ANKFY1: variants seen among roughly 807,000 people sequenced by gnomAD.
ANKFY1 encodes the protein ankyrin repeat and FYVE domain containing 1.
ANKFY1 carries 47 observed loss-of-function variants against 128.3 expected under a neutral mutation model. That is an observed-to-expected ratio of 0.37 (90% CI 0.29 to 0.47). ANKFY1 has a LOEUF of 0.47. Among genes scored for constraint, ANKFY1 ranks in the 20% least tolerant of loss-of-function variants. The pLI is 1.00. For missense variants in ANKFY1, 1,222 were observed against 1,510.6 expected (o/e 0.81, Z 3.17); for synonymous variants, 553 against 601.6 (o/e 0.92, Z 1.18).
At chr17:4,205,134 T>C (rs1456554622) in intron 7 of ANKFY1, among the ~76,000 whole-genome samples, 1 of 152,032 alleles carries the variant, frequency 6.6e-6, no homozygotes, top group Non-Finnish European at 1.5e-5. Context: ...AAGGGGAAAA[T>C]ATAGATGATT....
intron 21 of ANKFY1, 82 bp downstream of exon 21, chr17:4,173,272 G>T: frequency 7.3e-7 from 1 of 1,364,548 alleles, no homozygotes; most frequent in Non-Finnish European, 1.0e-6. Context: ...TCCTCCCTGG[G>T]GCTGATGGGA....
Position 4,164,357 on chromosome 17 carries a change from G to A in ANKFY1, c.*3422C>T, listed in dbSNP as rs1597989921. On this transcript the variant is annotated 3_prime_UTR_variant, in exon 25 of 25. Coordinates refer to ENST00000341657, the MANE Select transcript of ANKFY1 (RefSeq NM_001330063.2). ...GCATCTGTAACTTCTGGGAATTTCA[G>A]GGTTTTTATCTTGCCAGTCAGCTCT... is the stretch of plus-strand genomic sequence containing the variant. The A allele has an allele frequency of 6.5e-6, 1 of 152,702 alleles. No individual in the cohort carries two copies. Among genetic ancestry groups the A allele is most frequent in the Non-Finnish European group, 1.5e-5 (1 of 68,050 alleles). The allele number at this position is 152,702 out of a possible 1,614,324, so 9.5% of individuals were successfully genotyped here. A position where few individuals can be genotyped will look rare whatever the true frequency, so the allele number is the denominator to read the frequency against.
intron 3 of ANKFY1, chr17:4,223,755 C>G: frequency 6.4e-7 from 1 of 1,568,232 alleles, no homozygotes; most frequent in Non-Finnish European, 8.8e-7. Flanking sequence ...GCCTTAGATC[C>G]GGGGGAGAGG....
intron 7 of ANKFY1, 40 bp from the exon 8 acceptor site, chr17:4,197,617 G>T (rs777226496): frequency 1.3e-6 from 2 of 1,584,744 alleles, no homozygotes; most frequent in South Asian, 2.2e-5. Context: ...TCAGGGCAAA[G>T]TATTCTGGCC....
At chr17:4,262,054 G>A (rs1370456504) in intron 1 of ANKFY1, among the ~76,000 whole-genome samples, 3 of 152,230 alleles carry the variant, frequency 2.0e-5, no homozygotes, top group African/African-American at 7.2e-5. Flanking sequence ...TGCCGGGCGC[G>A]ATGGCTCATA....
At chr17:4,230,997 T>C (rs1269384422) in intron 3 of ANKFY1, among the ~76,000 whole-genome samples, 2 of 152,216 alleles carry the variant, frequency 1.3e-5, no homozygotes, top group Non-Finnish European at 2.9e-5. Context: ...AGTAATACCC[T>C]TTTTATGGCC....
At chr17:4,174,851 T>G (rs2059384198) in intron 19 of ANKFY1, among the ~76,000 whole-genome samples, 1 of 151,792 alleles carries the variant, frequency 6.6e-6, no homozygotes, top group Admixed American at 6.6e-5. Context: ...GCCTCCTGAG[T>G]AGCCAGGACC....
chr17:4,249,130 G>T (rs1967709008), intron 1 of ANKFY1: 3 of 985,212 alleles, frequency 3.0e-6, no homozygotes, highest in Admixed American at 6.1e-5. Context: ...GAGAAACCAA[G>T]AATGATTTTT....
Position 4,181,050 on chromosome 17 carries a change from C to T in ANKFY1, c.2240+204G>A. The T allele has an allele frequency of 1.8e-6, 1 of 540,846 alleles. No homozygotes were observed. Among genetic ancestry groups the T allele is most frequent in the Non-Finnish European group, 3.3e-6 (1 of 299,018 alleles). 33.5% of individuals were successfully genotyped at this position (540,846 alleles called of 1,614,324 possible). ...ACTCCAGCTTTCAGATTCTTTGATT[C>T]AGGGCTGTGAGCTCCTCCCGTCACA... is the stretch of plus-strand genomic sequence containing the variant. On this transcript the variant is annotated intron_variant, in intron 16 of 24. Coordinates refer to ENST00000341657, the MANE Select transcript of ANKFY1 (RefSeq NM_001330063.2). This position sits in a 1 kb window ranked among gnomAD's most constrained non-coding sequence, Gnocchi z 4.9.
rs532999113 is a variant in ANKFY1, at chr17:4,181,580, G to A, written c.2122-208C>T. Among the ~76,000 whole-genome samples the A allele has an allele frequency of 2.0e-4, 31 of 152,358 alleles. No individual in the cohort carries two copies. Among genetic ancestry groups the A allele is most frequent in the African/African-American group, 7.2e-4 (30 of 41,578 alleles). ...TGTGCAAGTTCGTGCACTAGGTCCTGTGGGACAGACTTGGGAAGTATAAAC... is the reference window on the plus strand; with the variant it reads ...TGTGCAAGTTCGTGCACTAGGTCCTATGGGACAGACTTGGGAAGTATAAAC... On this transcript the variant is annotated intron_variant, in intron 15 of 24. Coordinates refer to ENST00000341657, the MANE Select transcript of ANKFY1 (RefSeq NM_001330063.2). This position sits in a 1 kb window ranked among gnomAD's most constrained non-coding sequence, Gnocchi z 4.9.
chr17:4,263,128 T>C (rs2143616948), intron 1 of ANKFY1, among the ~76,000 whole-genome samples: 1 of 152,336 alleles, frequency 6.6e-6, no homozygotes, highest in East Asian at 1.9e-4. Context: ...CTCTGGGCCT[T>C]CTTTCCCCCT....
intron 19 of ANKFY1, among the ~76,000 whole-genome samples, chr17:4,175,062 G>A (rs2059388500): frequency 6.7e-6 from 1 of 150,180 alleles, no homozygotes; most frequent in African/African-American, 2.4e-5. Flanking sequence ...GCCGGGTGCA[G>A]TGGCTCAGGC....
chr17:4,219,323 C>T (rs963412667), intron 3 of ANKFY1, among the ~76,000 whole-genome samples: 8 of 152,154 alleles, frequency 5.3e-5, no homozygotes, highest in Non-Finnish European at 1.2e-4. Context: ...GTAATTCTCA[C>T]GGTGTTGTCC....
chr17:4,215,161 C>T (rs559351428), intron 4 of ANKFY1, among the ~76,000 whole-genome samples: 10 of 151,834 alleles, frequency 6.6e-5, no homozygotes, highest in Non-Finnish European at 1.3e-4. Context: ...TGGTGGCAGT[C>T]GTCTGTAATC....
At chr17:4,238,680 G>C (rs1038694742) in intron 2 of ANKFY1, among the ~76,000 whole-genome samples, 6 of 151,774 alleles carry the variant, frequency 4.0e-5, no homozygotes, top group South Asian at 4.2e-4. Context: ...CACCGTGTTG[G>C]TCAGGCTAGT....
chr17:4,256,342 G>A (rs1018235778), intron 1 of ANKFY1, among the ~76,000 whole-genome samples: 6 of 152,254 alleles, frequency 3.9e-5, no homozygotes, highest in South Asian at 2.1e-4. Flanking sequence ...GCAGGAGAAC[G>A]GCGTGAACCC....
At position 4,166,418 on chromosome 17, in the gene ANKFY1, T is replaced by C. The variant is rs2059211731; in HGVS notation, c.*1361A>G. ...CTGAGTATAACACATATTGTTCATC[T>C]CAGAGTTGTTTTGTTTTAAAGCCGT... On this transcript the variant is annotated 3_prime_UTR_variant, in exon 25 of 25. Coordinates refer to ENST00000341657, the MANE Select transcript of ANKFY1 (RefSeq NM_001330063.2). 6.5e-6 allele frequency: 1 copy of C among 152,682 alleles called. No homozygotes were observed. The highest frequency in any genetic ancestry group is 6.5e-5 in the Admixed American group (1 of 15,292). The allele number at this position is 152,682 out of a possible 1,614,324, so 9.5% of individuals were successfully genotyped here. A position where few individuals can be genotyped will look rare whatever the true frequency, so the allele number is the denominator to read the frequency against.
chr17:4,232,743 G>C (rs1268037668), intron 3 of ANKFY1, among the ~76,000 whole-genome samples: 1 of 152,194 alleles, frequency 6.6e-6, no homozygotes, highest in African/African-American at 2.4e-5. Flanking sequence ...AGACAGCACT[G>C]AATTAAAGCT....
At chr17:4,238,112 C>G (rs921752441) in intron 2 of ANKFY1, among the ~76,000 whole-genome samples, 2 of 145,028 alleles carry the variant, frequency 1.4e-5, no homozygotes, top group Non-Finnish European at 3.0e-5. Flanking sequence ...AGTTTGAGAC[C>G]AGCCTGGGCA....
Sources: gnomAD v4.1 joint callset for allele counts (sites outside exome capture counted in the v4.1 genomes callset) on GRCh38, gnomAD v4.1.1 for gene constraint, Gnocchi (gnomAD v3.1) non-coding constraint, MANE v1.5 for transcripts, NCBI Gene and HGNC (gene_info 2026-07-23, HGNC 2026-07-21) for gene names.